KDM5A: variants seen among roughly 807,000 people sequenced by gnomAD.
KDM5A encodes the protein lysine-specific demethylase 5A.
In KDM5A, 42 loss-of-function variants were observed where a neutral mutation model predicts 193.5. That is an observed-to-expected ratio of 0.22 (90% CI 0.17 to 0.28). The LOEUF (loss-of-function observed/expected upper bound fraction) is 0.28. KDM5A is among the 10% of genes least tolerant of loss of function. The pLI, the probability that KDM5A is intolerant of heterozygous loss-of-function variation, is 1.00. For missense variants in KDM5A, 1,692 were observed against 2,055.1 expected (o/e 0.82, Z 3.42); for synonymous variants, 796 against 718.1 (o/e 1.11, Z -1.73).
Position 389,095 on chromosome 12 carries a change from A to C in KDM5A, c.-4T>G, listed in dbSNP as rs2137508568. 3.5e-6 allele frequency: 4 copies of C among 1,135,918 alleles called. No homozygotes were observed. Among genetic ancestry groups the C allele is most frequent in the Non-Finnish European group, 4.9e-6 (4 of 813,312 alleles). The allele number at this position is 1,135,918 out of a possible 1,614,324, so 70.4% of individuals were successfully genotyped here. On this transcript the variant is annotated 5_prime_UTR_variant, in exon 1 of 28. Coordinates refer to ENST00000399788, the MANE Select transcript of KDM5A (RefSeq NM_001042603.3). ...CCCCCGGCCCCACGCCCGCCATTGCAACGGCCGGGGGGGGGGGGGGGTCCC... is the reference window on the plus strand; with the variant it reads ...CCCCCGGCCCCACGCCCGCCATTGCCACGGCCGGGGGGGGGGGGGGGTCCC...
At chr12:370,907 T>C (rs991775758) in intron 3 of KDM5A, among the ~76,000 whole-genome samples, 7 of 152,200 alleles carry the variant, frequency 4.6e-5, no homozygotes, top group Admixed American at 2.6e-4. Context: ...AGAATGATGG[T>C]TTCCAGCTTC....
At position 297,059 on chromosome 12, in the gene KDM5A, A is replaced by G; in HGVS notation, c.4216T>C (p.Ser1406Pro). Residue 1406 changes from serine (S) to proline (P), a missense_variant, in exon 25 of 28, where the codon TCT becomes CCT. By Grantham distance (74) the Ser-to-Pro change is moderately conservative. Coordinates refer to ENST00000399788, the MANE Select transcript of KDM5A (RefSeq NM_001042603.3). Reference sequence around the variant, plus strand: ...GTAATACCTTGAGAACAACTCTTAGAAGCAGAAGAATAAGCATGCTCTGCA... The same window carrying G: ...GTAATACCTTGAGAACAACTCTTAGGAGCAGAAGAATAAGCATGCTCTGCA... ...FCAEHAYSSA[S>P]KSCSQGSSTP... is the part of the protein sequence containing the mutation. 1 of 1,614,004 alleles carries G rather than the reference A, an allele frequency of 6.2e-7. No homozygotes were observed. The highest frequency in any genetic ancestry group is 8.5e-7 in the Non-Finnish European group (1 of 1,179,984).
Position 356,526 on chromosome 12 carries a change from T to C in KDM5A, c.684A>G (p.Gly228=), listed in dbSNP as rs766643963. ...TCAGTTCCGTGTTTCTACTCACATC[T>C]CCAGATTCTGACTAAAAAATAAGCA... ...TRRVKTQSES[G]DVSRNTELKK... is the part of the protein sequence containing the mutation. The change falls in exon 6 of 28, where the codon GGA becomes GGG. Residue 228 remains glycine (G), a synonymous_variant. Transcript: ENST00000399788. 1 of 1,609,832 alleles carries C rather than the reference T, an allele frequency of 6.2e-7. No individual in the cohort carries two copies. The highest frequency in any genetic ancestry group is 8.5e-7 in the Non-Finnish European group (1 of 1,176,070).
At chr12:386,129 C>T (rs950959627) in intron 1 of KDM5A, among the ~76,000 whole-genome samples, 155 bp from the exon 2 acceptor site, 4 of 151,980 alleles carry the variant, frequency 2.6e-5, no homozygotes, top group Admixed American at 6.6e-5. Context: ...CAATTCTTTT[C>T]GATAAAATAA....
chr12:317,261 C>T (rs1943660973), intron 19 of KDM5A, among the ~76,000 whole-genome samples: 1 of 152,124 alleles, frequency 6.6e-6, no homozygotes, highest in African/African-American at 2.4e-5. Flanking sequence ...CCTAAATATT[C>T]CTTAAACTCA....
rs1334848480 is a variant in KDM5A at position 282,529 on chromosome 12, TCTC to T, written c.*2924_*2926del. ...AAAATAAACATCTGTGGAAGAAAAA[TCTC>T]CTGTCTTCTCCCCCAGCTAGAAAGC... On this transcript the variant is annotated 3_prime_UTR_variant, in exon 28 of 28. Transcript: ENST00000399788. 7 of 232,992 alleles carry T rather than the reference TCTC, an allele frequency of 3.0e-5. No homozygotes were observed. Among genetic ancestry groups the T allele is most frequent in the East Asian group, 6.0e-5 (1 of 16,578 alleles). 14.4% of individuals were successfully genotyped at this position (232,992 alleles called of 1,614,324 possible). A position where few individuals can be genotyped will look rare whatever the true frequency, so the allele number is the denominator to read the frequency against.
chr12:382,790 G>A (rs1179301191), intron 3 of KDM5A, among the ~76,000 whole-genome samples: 3 of 151,990 alleles, frequency 2.0e-5, no homozygotes, highest in Non-Finnish European at 4.4e-5. Context: ...AAATTAGCCT[G>A]GTGTGTTGGC....
rs539781630 is a variant in KDM5A at position 380,995 on chromosome 12, T to A, written c.366+3036A>T. ...ATAATTAGTAGAGATAGGTTTTATT[T>A]TATTTTTTTTTTTTAGACGGAGTTG... On this transcript the variant is annotated intron_variant, in intron 3 of 27. Coordinates refer to ENST00000399788, the MANE Select transcript of KDM5A (RefSeq NM_001042603.3). Among the ~76,000 whole-genome samples the A allele has an allele frequency of 2.3e-4, 17 of 72,882 alleles. No homozygotes were observed. In the East Asian group the frequency reaches 3.5e-3, roughly 15 times the overall value. 47.8% of individuals were successfully genotyped at this position (72,882 alleles called of 152,430 possible). A position where few individuals can be genotyped will look rare whatever the true frequency, so the allele number is the denominator to read the frequency against.
At position 389,292 on chromosome 12, in the gene KDM5A, A is replaced by C. The variant is rs1277110749; in HGVS notation, c.-201T>G. The C allele has an allele frequency of 1.4e-6, 1 of 702,246 alleles. No homozygotes were observed. The allele number at this position is 702,246 out of a possible 1,614,324, so 43.5% of individuals were successfully genotyped here. A position where few individuals can be genotyped will look rare whatever the true frequency, so the allele number is the denominator to read the frequency against. The stretch of plus-strand genomic sequence containing the variant: ...TTGCAAGGCTTTTCCACTGAGGTTC[A>C]GGACTTTTCCGGAAGTTACCGTGCT... On this transcript the variant is annotated 5_prime_UTR_variant, in exon 1 of 28. Coordinates refer to ENST00000399788, the MANE Select transcript of KDM5A (RefSeq NM_001042603.3).
chr12:307,152 T>C lies in KDM5A; in HGVS notation c.3931-63A>G. 6.3e-7 allele frequency: 1 copy of C among 1,595,044 alleles called. No individual in the cohort carries two copies. Among genetic ancestry groups the C allele is most frequent in the Non-Finnish European group, 8.6e-7 (1 of 1,164,012 alleles). Reference sequence around the variant, plus strand: ...TGCTAAACAGACAGGGTAATTAATGTGTGCTTAAGATCACCAAAATGTAAT... The same window carrying C: ...TGCTAAACAGACAGGGTAATTAATGCGTGCTTAAGATCACCAAAATGTAAT... On this transcript the variant is annotated intron_variant, in intron 23 of 27. Coordinates refer to ENST00000399788, the MANE Select transcript of KDM5A (RefSeq NM_001042603.3). The surrounding 1 kb of genome is among the most constrained non-coding windows in gnomAD (Gnocchi z 4.3).
chr12:387,905 A>G (rs1299151432), intron 1 of KDM5A, among the ~76,000 whole-genome samples: 1 of 152,086 alleles, frequency 6.6e-6, no homozygotes, highest in Non-Finnish European at 1.5e-5. Flanking sequence ...AACAGTGCTT[A>G]ATATTTTATC....
intron 24 of KDM5A, among the ~76,000 whole-genome samples, chr12:304,693 C>G (rs954592319): frequency 2.6e-5 from 4 of 152,114 alleles, no homozygotes; most frequent in African/African-American, 9.7e-5. Flanking sequence ...ATAAATTCCT[C>G]CACAAAAAGA....
rs1943576781 is a variant in KDM5A at position 310,923 on chromosome 12, T to A, written c.3178A>T (p.Thr1060Ser). ...ARAWRERTGR[T>S]FLKKNSSHTL... ...TGGCTAGAATTCTTCTTAAGAAACG[T>A]CCGCCCAGTCCGTTCTCTCCATGCC... is the stretch of plus-strand genomic sequence containing the variant. The change falls in exon 21 of 28, where the codon ACG (threonine) becomes TCG (serine). Residue 1060 changes from threonine to serine, a missense_variant. By Grantham distance (58) the Thr-to-Ser change is moderately conservative (BLOSUM62 1). Around this residue, in one of 11 missense-constraint regions of KDM5A, gnomAD observed 965 missense variants for 1,061.0 expected, o/e 0.91. Transcript: ENST00000399788. The A allele has an allele frequency of 2.5e-6, 4 of 1,614,088 alleles. No individual in the cohort carries two copies. The highest frequency in any genetic ancestry group is 2.5e-6 in the Non-Finnish European group (3 of 1,180,034).
chr12:322,495 T>G lies in KDM5A; in HGVS notation c.2348A>C (p.Lys783Thr), dbSNP rs1435782931. 6.2e-7 allele frequency: 1 copy of G among 1,613,748 alleles called. No homozygotes were observed. Among genetic ancestry groups the G allele is most frequent in the Non-Finnish European group, 8.5e-7 (1 of 1,179,834 alleles). ...AGCTTCTTTTACAGCATCCCTGAGT[T>G]TTCGAAAGAGATCATTCTCTGGGTA... ...RKYPENDLFRKLRDAVKEAET... is the reference protein window; with the variant it reads ...RKYPENDLFRTLRDAVKEAET... Residue 783 changes from lysine to threonine, a missense_variant, in exon 17 of 28, where the codon AAA becomes ACA. Transcript: ENST00000399788.
rs370389838 is a variant in KDM5A at position 388,963 on chromosome 12, C to G, written c.129G>C (p.Ala43=). The G allele has an allele frequency of 3.1e-6, 5 of 1,614,230 alleles. No homozygotes were observed. The highest frequency in any genetic ancestry group is 4.2e-6 in the Non-Finnish European group (5 of 1,180,048). Residue 43 remains alanine, a synonymous_variant, in exon 1 of 28, where the codon GCG becomes GCC. Transcript: ENST00000399788. ...GAATTTTGCAGATGCCGGTTTTCTC[C>G]GCCAAAGGCCGGATGCGGCCGATAA... ...LSFIGRIRPL[A]EKTGICKIRP...
At chr12:365,105 T>A (rs1190059705) in intron 4 of KDM5A, among the ~76,000 whole-genome samples, 1 of 151,832 alleles carries the variant, frequency 6.6e-6, no homozygotes, top group East Asian at 1.9e-4. Context: ...CAGGCTGGAG[T>A]GCAGTGGCAG....
Position 328,995 on chromosome 12 carries a change from C to T in KDM5A, c.1808G>A (p.Arg603Gln), listed in dbSNP as rs2137419229. 1.2e-6 allele frequency: 2 copies of T among 1,614,162 alleles called. No individual in the cohort carries two copies. The highest frequency in any genetic ancestry group is 1.7e-6 in the Non-Finnish European group (2 of 1,180,018). ...PIGRQCVNHYRRLRRHCVFSH... is the reference protein window; with the variant it reads ...PIGRQCVNHYQRLRRHCVFSH... ...AAAGACACAGTGGCGCCTTAGGCGT[C>T]GGTAATGATTTACACATTGACGTCC... The change falls in exon 14 of 28, where the codon CGA becomes CAA. Residue 603 changes from arginine to glutamine, a missense_variant. Physicochemically the swap from Arg to Gln is conservative, Grantham distance 43 (BLOSUM62 1). Coordinates refer to ENST00000399788, the MANE Select transcript of KDM5A (RefSeq NM_001042603.3).
chr12:378,958 C>CAAA (rs11364846), intron 3 of KDM5A, among the ~76,000 whole-genome samples: 1 of 106,174 alleles, frequency 9.4e-6, no homozygotes, highest in African/African-American at 3.5e-5. Flanking sequence ...GACTCCATCT[C>CAAA]AAAAAAAAAA....
chr12:388,013 G>C (rs1331091500), intron 1 of KDM5A, among the ~76,000 whole-genome samples: 1 of 152,108 alleles, frequency 6.6e-6, no homozygotes, highest in Non-Finnish European at 1.5e-5. Flanking sequence ...AATCATCTGA[G>C]ACTAGTTGCT....
Sources: gnomAD v4.1 joint callset for allele counts (sites outside exome capture counted in the v4.1 genomes callset) on GRCh38, gnomAD v4.1.1 for gene constraint, gnomAD v4.1.1 regional missense constraint, Gnocchi (gnomAD v3.1) non-coding constraint, MANE v1.5 for transcripts, NCBI Gene and HGNC (gene_info 2026-07-23, HGNC 2026-07-21) for gene names.